Variants in SVIL observed in about 807,000 individuals in gnomAD.
The protein encoded by SVIL is supervillin.
A neutral mutation model predicts 240.4 loss-of-function variants in SVIL; 101 were observed. The observed-to-expected ratio is 0.42, with a 90% CI of 0.36 to 0.50. The LOEUF (loss-of-function observed/expected upper bound fraction) is 0.50. Among genes scored for constraint, SVIL ranks in the 20% least tolerant of loss-of-function variants. SVIL has a pLI of 0.01. For synonymous variants in SVIL, 999 were observed against 1,100.0 expected, an observed-to-expected ratio of 0.91 and a Z score of 1.82; for missense variants, 2,512 against 2,818.7, an observed-to-expected ratio of 0.89 and a Z score of 2.46.
intron 1 of SVIL, among the ~76,000 whole-genome samples, chr10:29,696,608 C>T (rs998536617): frequency 1.3e-5 from 2 of 151,482 alleles, no homozygotes; most frequent in African/African-American, 4.8e-5. Flanking sequence ...CCCGCCGCCC[C>T]GTCTGGGATG....
intron 1 of SVIL, among the ~76,000 whole-genome samples, chr10:29,600,197 G>T (rs1459409614): frequency 6.6e-6 from 1 of 152,092 alleles, no homozygotes; most frequent in African/African-American, 2.4e-5. Flanking sequence ...GAGCCACCAT[G>T]TCTGGCTGGA....
At chr10:29,575,225 T>C (rs1287827066) in intron 1 of SVIL, 3 of 154,868 alleles carry the variant, frequency 1.9e-5, no homozygotes, top group African/African-American at 7.2e-5. Flanking sequence ...TCCAGTCCAC[T>C]TTCCCACCAG....
chr10:29,459,238 G>C (rs1399874764), intron 36 of SVIL, among the ~76,000 whole-genome samples: 5 of 152,162 alleles, frequency 3.3e-5, no homozygotes, highest in Non-Finnish European at 7.3e-5. Flanking sequence ...AGCCTCCTGA[G>C]TAGCTGGCAC....
intron 1 of SVIL, among the ~76,000 whole-genome samples, chr10:29,607,660 G>C (rs772975091): frequency 2.0e-5 from 3 of 152,174 alleles, no homozygotes; most frequent in Non-Finnish European, 4.4e-5. Context: ...ATGGGCTGCT[G>C]TTTGGAGGTA....
chr10:29,660,360 C>G (rs1401108886), intron 2 of SVIL, among the ~76,000 whole-genome samples: 1 of 152,054 alleles, frequency 6.6e-6, no homozygotes. Flanking sequence ...ACCTATTGTT[C>G]CAGCACTTTA....
intron 5 of SVIL, among the ~76,000 whole-genome samples, chr10:29,553,117 C>G (rs1953532257): frequency 9.6e-6 from 1 of 104,124 alleles, no homozygotes. Context: ...CCAAGCCCAG[C>G]CTTTTTTTTT....
intron 3 of SVIL, among the ~76,000 whole-genome samples, chr10:29,560,142 C>G (rs1954321765): frequency 6.6e-6 from 1 of 152,204 alleles, no homozygotes; most frequent in African/African-American, 2.4e-5. Flanking sequence ...TTACTTCCCA[C>G]AGGAGTAAAG....
At chr10:29,498,985 A>T in intron 18 of SVIL, 131 bp downstream of exon 18, 2 of 1,364,746 alleles carry the variant, frequency 1.5e-6, no homozygotes, top group Non-Finnish European at 2.0e-6. Flanking sequence ...TGTCTCTTAG[A>T]AAAAACTTAA....
intron 1 of SVIL, among the ~76,000 whole-genome samples, chr10:29,625,171 C>G (rs946315248): frequency 1.3e-5 from 2 of 152,098 alleles, no homozygotes; most frequent in Admixed American, 1.3e-4. Context: ...TCCAATGTTA[C>G]TAAACTCCTT....
chr10:29,614,848 G>T (rs1470902337), intron 1 of SVIL, among the ~76,000 whole-genome samples: 2 of 151,976 alleles, frequency 1.3e-5, no homozygotes, highest in Admixed American at 6.5e-5. Context: ...TGAAATCCAC[G>T]AATCATTTGG....
intron 1 of SVIL, among the ~76,000 whole-genome samples, chr10:29,630,780 AC>A (rs1958056147): frequency 6.6e-6 from 1 of 152,058 alleles, no homozygotes; most frequent in South Asian, 2.1e-4. Flanking sequence ...AACACAGAAC[AC>A]CAGCTTCTAC....
intron 9 of SVIL, among the ~76,000 whole-genome samples, chr10:29,531,714 C>G (rs1951380379): frequency 6.6e-6 from 1 of 152,156 alleles, no homozygotes; most frequent in Non-Finnish European, 1.5e-5. Flanking sequence ...TCTAATTTAA[C>G]AAGGGGTAAA....
At chr10:29,623,611 G>C in intron 1 of SVIL, among the ~76,000 whole-genome samples, 1 of 152,152 alleles carries the variant, frequency 6.6e-6, no homozygotes, top group East Asian at 1.9e-4. Flanking sequence ...AGCACTTTAG[G>C]AGGCCAAGGC....
rs576003539 is a variant in SVIL at position 29,505,948 on chromosome 10, G to T, written c.3517-6685C>A. On this transcript the variant is annotated intron_variant, in intron 17 of 37. Transcript: ENST00000355867. ...TGCTCAAGTCCCTGATGTAAAATGGGGTAGGATTTGCACACAGCCTGTGCA... is the reference window on the plus strand; with the variant it reads ...TGCTCAAGTCCCTGATGTAAAATGGTGTAGGATTTGCACACAGCCTGTGCA... Among the ~76,000 whole-genome samples the T allele has an allele frequency of 1.2e-3, 178 of 152,194 alleles. 2 individuals carry two copies. The highest frequency in any genetic ancestry group is 4.2e-3 in the African/African-American group (174 of 41,498).
chr10:29,594,554 T>C (rs1956509014), intron 1 of SVIL, among the ~76,000 whole-genome samples: 1 of 115,696 alleles, frequency 8.6e-6, no homozygotes, highest in Admixed American at 9.9e-5. Flanking sequence ...TTCTTAATTT[T>C]TTTTCTTTTT....
intron 22 of SVIL, among the ~76,000 whole-genome samples, chr10:29,490,621 C>G (rs559024059): frequency 6.6e-6 from 1 of 150,766 alleles, no homozygotes; most frequent in Non-Finnish European, 1.5e-5. Flanking sequence ...CCAGTATAAT[C>G]TGAATTAACT....
intron 14 of SVIL, 84 bp downstream of exon 14, chr10:29,524,388 C>T (rs1950755830): frequency 5.1e-6 from 8 of 1,573,824 alleles, no homozygotes; most frequent in Non-Finnish European, 6.0e-6. Flanking sequence ...ACCTTAATTA[C>T]ATCATTGACC....
chr10:29,488,016 A>G (rs1473413586), intron 23 of SVIL, among the ~76,000 whole-genome samples: 1 of 152,146 alleles, frequency 6.6e-6, no homozygotes, highest in East Asian at 1.9e-4. Flanking sequence ...TACAGTGGCC[A>G]CCAGGAGGCA....
At chr10:29,576,016 G>C (rs1444896232) in intron 1 of SVIL, 1 of 697,528 alleles carries the variant, frequency 1.4e-6, no homozygotes, top group Non-Finnish European at 1.8e-6. Flanking sequence ...CTTGCAATTG[G>C]GGTATAAATG....
Sources: allele counts gnomAD v4.1 joint callset (sites outside exome capture counted in the v4.1 genomes callset), GRCh38; gene constraint gnomAD v4.1.1; transcripts MANE v1.5; gene names NCBI Gene and HGNC (gene_info 2026-07-23, HGNC 2026-07-21).